NPAS3: variants seen among roughly 807,000 people sequenced by gnomAD.
NPAS3 encodes the protein neuronal PAS domain-containing protein 3.
NPAS3 carries 14 observed loss-of-function variants against 73.1 expected under a neutral mutation model. The ratio of observed to expected loss-of-function variants is 0.19; its 90% CI spans 0.13 to 0.30. The LOEUF is 0.30. Ranked by LOEUF, NPAS3 falls within the 10% of genes least tolerant of loss-of-function variation. NPAS3 has a pLI of 1.00. For synonymous variants in NPAS3, 620 were observed against 541.5 expected, an observed-to-expected ratio of 1.14 and a Z score of -2.01; for missense variants, 1,096 against 1,250.0, an observed-to-expected ratio of 0.88 and a Z score of 1.86.
chr14:33,629,191 C>A (rs1400823473), intron 5 of NPAS3, among the ~76,000 whole-genome samples: 1 of 149,660 alleles, frequency 6.7e-6, no homozygotes, highest in Non-Finnish European at 1.5e-5. Context: ...GGGGAGATTG[C>A]GCCACTGCAC....
chr14:33,339,657 A>T (rs1427124009), intron 3 of NPAS3, among the ~76,000 whole-genome samples: 1 of 152,222 alleles, frequency 6.6e-6, no homozygotes, highest in Non-Finnish European at 1.5e-5. Context: ...ATTTGGAGAC[A>T]GGCTGATTTT....
intron 3 of NPAS3, among the ~76,000 whole-genome samples, chr14:33,276,776 T>A (rs74980410): frequency 6.6e-6 from 1 of 152,128 alleles, no homozygotes; most frequent in Admixed American, 6.6e-5. Flanking sequence ...TATTTTCTCA[T>A]GCTTTAAGAT....
At chr14:33,758,221 C>T (rs1421642842) in intron 7 of NPAS3, among the ~76,000 whole-genome samples, 1 of 152,226 alleles carries the variant, frequency 6.6e-6, no homozygotes, top group East Asian at 1.9e-4. Context: ...TCTGTCTGCA[C>T]TCCTCTCCAT....
chr14:33,103,845 T>C (rs140728326), intron 2 of NPAS3, among the ~76,000 whole-genome samples: 1 of 152,272 alleles, frequency 6.6e-6, no homozygotes, highest in Non-Finnish European at 1.5e-5. Flanking sequence ...AGAGAGGCCA[T>C]GCCTTTTGAG....
At chr14:33,231,570 G>A (rs553099292) in intron 3 of NPAS3, among the ~76,000 whole-genome samples, 19 of 152,098 alleles carry the variant, frequency 1.2e-4, no homozygotes, top group African/African-American at 2.4e-4. Flanking sequence ...ACACATTACC[G>A]TTTCTAAAAA....
At chr14:33,185,888 T>C (rs6571586) in intron 2 of NPAS3, among the ~76,000 whole-genome samples, 52,953 of 152,032 alleles carry the variant, frequency 0.35, 10,169 homozygotes, top group Non-Finnish European at 0.45. Flanking sequence ...ATCCCCAAGG[T>C]CACGGACTCT....
chr14:33,801,077 G>A lies in NPAS3; in HGVS notation c.2770G>A (p.Ala924Thr), dbSNP rs201478272. 898 of 1,592,314 alleles carry A rather than the reference G, an allele frequency of 5.6e-4. 3 individuals are homozygous for A. The highest frequency in any genetic ancestry group is 1.7e-3 in the East Asian group (74 of 43,690). Residue 924 changes from alanine to threonine, a missense_variant, in exon 12 of 12, where the codon GCG (alanine) becomes ACG (threonine). Transcript: ENST00000356141. The stretch of plus-strand genomic sequence containing the variant: ...CCCCGTCTACAGCAACGGCATCCAC[G>A]CGGCACAGACTCTGGAGCGCAAGGA...
intron 5 of NPAS3, among the ~76,000 whole-genome samples, chr14:33,620,956 A>G (rs1399177894): frequency 1.3e-5 from 2 of 152,184 alleles, no homozygotes; most frequent in African/African-American, 2.4e-5. Flanking sequence ...CTGGCCAGAT[A>G]TGAAAATGCT....
chr14:33,620,017 G>C (rs748790546), intron 5 of NPAS3, among the ~76,000 whole-genome samples: 27 of 152,134 alleles, frequency 1.8e-4, no homozygotes, highest in Non-Finnish European at 3.5e-4. Flanking sequence ...TGATAAATCA[G>C]CTTGTGGTGT....
chr14:33,246,048 A>G (rs1172442730), intron 3 of NPAS3, among the ~76,000 whole-genome samples: 2 of 152,098 alleles, frequency 1.3e-5, no homozygotes, highest in Non-Finnish European at 2.9e-5. Context: ...TGGATATGGA[A>G]GTCACCTGAC....
chr14:33,465,188 A>C (rs984065730), intron 4 of NPAS3, among the ~76,000 whole-genome samples: 1 of 152,146 alleles, frequency 6.6e-6, no homozygotes, highest in African/African-American at 2.4e-5. Flanking sequence ...TTTCCAAGGC[A>C]AAGTTTTCCT....
At chr14:33,663,090 G>A (rs981885173) in intron 5 of NPAS3, among the ~76,000 whole-genome samples, 13 of 151,558 alleles carry the variant, frequency 8.6e-5, no homozygotes, top group Admixed American at 2.0e-4. Context: ...GCCTGATTGC[G>A]CTGGCCAGAA....
rs73265078 is a variant in NPAS3 at position 33,507,102 on chromosome 14, A to G, written c.469-53019A>G. Among the ~76,000 whole-genome samples the G allele has an allele frequency of 9.8e-3, 1,496 of 152,124 alleles. 30 individuals carry two copies. Among genetic ancestry groups the G allele is most frequent in the African/African-American group, 0.034 (1,429 of 41,554 alleles). On this transcript the variant is annotated intron_variant, in intron 4 of 11. Coordinates refer to ENST00000356141, the Ensembl canonical transcript of NPAS3. ...CATGAAATGTTGTGGGTGATGGACT[A>G]TGATGTTCATTTTGTAGAATGTAAT... is the stretch of plus-strand genomic sequence containing the variant.
intron 3 of NPAS3, among the ~76,000 whole-genome samples, chr14:33,322,752 G>A (rs1219916843): frequency 2.6e-5 from 4 of 152,138 alleles, no homozygotes; most frequent in South Asian, 2.1e-4. Context: ...ACCCAAAGAC[G>A]GATAGATCCA....
chr14:32,989,094 A>G (rs8008038), intron 1 of NPAS3, among the ~76,000 whole-genome samples: 2,436 of 151,678 alleles, frequency 0.016, 65 homozygotes, highest in African/African-American at 0.056. Flanking sequence ...GCTGTGGAAG[A>G]GGTAGGTAGA....
At chr14:33,011,030 TG>T (rs1255773708) in intron 1 of NPAS3, among the ~76,000 whole-genome samples, 1 of 152,158 alleles carries the variant, frequency 6.6e-6, no homozygotes, top group Non-Finnish European at 1.5e-5. Flanking sequence ...TTGAAACTTT[TG>T]TTGAATTTGT....
At chr14:33,372,399 C>T (rs912307898) in intron 4 of NPAS3, among the ~76,000 whole-genome samples, 6 of 151,952 alleles carry the variant, frequency 3.9e-5, no homozygotes, top group Non-Finnish European at 7.4e-5. Context: ...TGGTGGGATC[C>T]CTTAAAATTT....
At chr14:33,367,356 T>C in intron 4 of NPAS3, 88 bp downstream of exon 4, 1 of 634,400 alleles carries the variant, frequency 1.6e-6, no homozygotes, top group Non-Finnish European at 2.8e-6. Flanking sequence ...TTTTTTTAAA[T>C]GTCAGCTGTA....
chr14:32,999,111 C>T (rs2038699775), intron 1 of NPAS3, among the ~76,000 whole-genome samples: 1 of 152,166 alleles, frequency 6.6e-6, no homozygotes, highest in Non-Finnish European at 1.5e-5. Context: ...ATTTTTGCTT[C>T]TTTAATTTCA....
Sources: gnomAD v4.1 joint callset for allele counts (sites outside exome capture counted in the v4.1 genomes callset) on GRCh38, gnomAD v4.1.1 for gene constraint, MANE v1.5 for transcripts, NCBI Gene and HGNC (gene_info 2026-07-23, HGNC 2026-07-21) for gene names.